Variants in BMPR1B observed in about 807,000 individuals in gnomAD.
BMPR1B encodes the protein bone morphogenetic protein receptor type 1B.
A neutral mutation model predicts 59.1 loss-of-function variants in BMPR1B; 12 were observed. The ratio of observed to expected loss-of-function variants is 0.20; its 90% CI spans 0.13 to 0.33. BMPR1B has a LOEUF of 0.33. Ranked by LOEUF, BMPR1B falls within the 10% of genes least tolerant of loss-of-function variation. The pLI is 1.00. For synonymous variants in BMPR1B, 237 were observed against 207.3 expected (o/e 1.14, Z -1.23); for missense variants, 550 against 610.9 (o/e 0.90, Z 1.05).
In BMPR1B at chr4:95,155,276, C is replaced by G. The variant is rs1177049538; in HGVS notation, c.*603C>G. 1 of 153,576 alleles carries G rather than the reference C, an allele frequency of 6.5e-6. No homozygotes were observed. The highest frequency in any genetic ancestry group is 1.4e-5 in the Non-Finnish European group (1 of 69,098). 9.5% of individuals were successfully genotyped at this position (153,576 alleles called of 1,614,324 possible). A position where few individuals can be genotyped will look rare whatever the true frequency, so the allele number is the denominator to read the frequency against. ...TATGGTAATGTGAATGCACTGGGTA[C>G]AAACACCGCCTGTCTAGGACCACAT... On this transcript the variant is annotated 3_prime_UTR_variant, in exon 13 of 13. Transcript: ENST00000515059.
At chr4:94,957,617 G>C (rs556172938) in intron 2 of BMPR1B, among the ~76,000 whole-genome samples, 1 of 151,404 alleles carries the variant, frequency 6.6e-6, no homozygotes, top group Non-Finnish European at 1.5e-5. Flanking sequence ...TGTTCCTTTA[G>C]CTCCTCACAG....
chr4:94,869,233 C>G (rs1560524357), intron 1 of BMPR1B, among the ~76,000 whole-genome samples: 1 of 151,936 alleles, frequency 6.6e-6, no homozygotes, highest in Non-Finnish European at 1.5e-5. Flanking sequence ...GACAAAACTT[C>G]CGTGAGGTTT....
intron 1 of BMPR1B, among the ~76,000 whole-genome samples, chr4:94,857,533 T>C (rs1273083229): frequency 1.3e-5 from 2 of 152,192 alleles, no homozygotes; most frequent in Non-Finnish European, 2.9e-5. Flanking sequence ...TTACAAAATT[T>C]TATGTAAGAA....
chr4:94,990,741 C>T (rs985190498), intron 2 of BMPR1B, among the ~76,000 whole-genome samples: 2 of 152,180 alleles, frequency 1.3e-5, no homozygotes, highest in South Asian at 2.1e-4. Flanking sequence ...ATGTGCACAG[C>T]ATGCAGGTTA....
intron 2 of BMPR1B, among the ~76,000 whole-genome samples, chr4:94,982,927 G>T (rs1041402742): frequency 5.9e-5 from 9 of 151,842 alleles, no homozygotes; most frequent in African/African-American, 2.2e-4. Flanking sequence ...GGAGATTGTC[G>T]TGAGAGGAGA....
intron 1 of BMPR1B, among the ~76,000 whole-genome samples, chr4:94,783,992 A>G (rs370009526): frequency 2.5e-4 from 38 of 152,282 alleles, no homozygotes; most frequent in African/African-American, 7.5e-4. Context: ...AGGAGGGGAT[A>G]TGTTATGCTC....
At chr4:94,902,662 C>A (rs1727877943) in intron 2 of BMPR1B, among the ~76,000 whole-genome samples, 1 of 151,846 alleles carries the variant, frequency 6.6e-6, no homozygotes, top group Admixed American at 6.6e-5. Flanking sequence ...AAAGTAGAAT[C>A]ATTTAATCTT....
At chr4:95,055,930 T>C (rs1252313163) in intron 3 of BMPR1B, among the ~76,000 whole-genome samples, 3 of 152,196 alleles carry the variant, frequency 2.0e-5, no homozygotes, top group African/African-American at 7.2e-5. Flanking sequence ...TGAAATAACA[T>C]TGGACAGATA....
chr4:94,914,681 A>G (rs1452998532), intron 2 of BMPR1B, among the ~76,000 whole-genome samples: 1 of 152,108 alleles, frequency 6.6e-6, no homozygotes, highest in Non-Finnish European at 1.5e-5. Context: ...TGGTTTCTTT[A>G]TGATAGTTGG....
chr4:94,833,405 A>G (rs1325359396), intron 1 of BMPR1B, among the ~76,000 whole-genome samples: 1 of 152,204 alleles, frequency 6.6e-6, no homozygotes, highest in Admixed American at 6.5e-5. Flanking sequence ...AGACCCATAA[A>G]GTAACCCCAT....
rs960408390 is a variant in BMPR1B, at chr4:95,006,256, A to T, written c.-18+10122A>T. On this transcript the variant is annotated intron_variant, in intron 3 of 12. Coordinates refer to ENST00000515059, the MANE Select transcript of BMPR1B (RefSeq NM_001203.3). ...ATTGCACCAAAGTTTTAATAGTCAG[A>T]AGGTAGGGCCGGGCGCGATGGCTCA... Among the ~76,000 whole-genome samples the T allele has an allele frequency of 2.0e-5, 3 of 150,808 alleles. No homozygotes were observed. The South Asian group carries it at 6.3e-4, about 32-fold the overall frequency.
At chr4:95,135,717 C>G (rs1330405134) in intron 10 of BMPR1B, among the ~76,000 whole-genome samples, 4 of 152,094 alleles carry the variant, frequency 2.6e-5, no homozygotes, top group African/African-American at 4.8e-5. Context: ...GATTTTGTAT[C>G]CTGAGACTTT....
At chr4:95,142,702 G>A (rs533301576) in intron 10 of BMPR1B, among the ~76,000 whole-genome samples, 1 of 152,056 alleles carries the variant, frequency 6.6e-6, no homozygotes, top group South Asian at 2.1e-4. Flanking sequence ...CTTTCCCTGC[G>A]CTCGCCTCTC....
chr4:95,034,719 A>G (rs1414095858), intron 3 of BMPR1B, among the ~76,000 whole-genome samples: 3 of 151,806 alleles, frequency 2.0e-5, no homozygotes, highest in Admixed American at 6.6e-5. Flanking sequence ...GCAACTGTGA[A>G]TTGTGCTGCT....
At chr4:94,921,221 G>A (rs1406048412) in intron 2 of BMPR1B, among the ~76,000 whole-genome samples, 4 of 152,074 alleles carry the variant, frequency 2.6e-5, no homozygotes, top group Non-Finnish European at 4.4e-5. Context: ...TATGACCTCA[G>A]AGTGCACTGT....
chr4:95,080,701 C>G (rs987473989), intron 3 of BMPR1B, among the ~76,000 whole-genome samples: 7 of 152,056 alleles, frequency 4.6e-5, no homozygotes, highest in African/African-American at 1.4e-4. Context: ...GAAGCAGGAA[C>G]CAAACTATAT....
At chr4:95,070,203 TAGG>T (rs1156315775) in intron 3 of BMPR1B, among the ~76,000 whole-genome samples, 1 of 152,180 alleles carries the variant, frequency 6.6e-6, no homozygotes. Context: ...GAATGGAAAT[TAGG>T]AGGCTGTGCC....
In BMPR1B at chr4:94,990,713, C is replaced by T. The variant is rs149737233; in HGVS notation, c.-112-5327C>T. Reference sequence around the variant, plus strand: ...GTTGTTGTTGTTGTTGTTTTTTATACTTTAAGTTTTAGGGTACATGTGCAC... The same window carrying T: ...GTTGTTGTTGTTGTTGTTTTTTATATTTTAAGTTTTAGGGTACATGTGCAC... On this transcript the variant is annotated intron_variant, in intron 2 of 12. Coordinates refer to ENST00000515059, the MANE Select transcript of BMPR1B (RefSeq NM_001203.3). Among the ~76,000 whole-genome samples the T allele has an allele frequency of 1.8e-3, 276 of 151,872 alleles. 7 individuals carry two copies. In the East Asian group the frequency reaches 0.042, roughly 23 times the overall value.
chr4:94,970,302 T>TCTC (rs70946573), intron 2 of BMPR1B, among the ~76,000 whole-genome samples: 115 of 92,784 alleles, frequency 1.2e-3, no homozygotes, highest in African/African-American at 5.2e-3. Flanking sequence ...TTCTCTTCTC[T>TCTC]TCTTTCTCTC....
Sources: gnomAD v4.1 joint callset for allele counts (sites outside exome capture counted in the v4.1 genomes callset) on GRCh38, gnomAD v4.1.1 for gene constraint, MANE v1.5 for transcripts, NCBI Gene and HGNC (gene_info 2026-07-23, HGNC 2026-07-21) for gene names.